The following DTNA variants were observed in gnomAD, a reference collection of about 807,000 sequenced individuals.
DTNA encodes the protein dystrobrevin alpha, also known as dystrophin-related protein 3.
A neutral mutation model predicts 100.7 loss-of-function variants in DTNA; 43 were observed. The ratio of observed to expected loss-of-function variants is 0.43; its 90% confidence interval spans 0.33 to 0.55. The LOEUF (loss-of-function observed/expected upper bound fraction) is 0.55. DTNA is among the 20% of genes least tolerant of loss of function. DTNA has a pLI of 0.04. For missense variants in DTNA, 798 were observed against 953.9 expected (o/e 0.84, Z 2.15); for synonymous variants, 349 against 347.9 (o/e 1.00, Z -0.04).
chr18:34,613,296 T>A (rs1201394767), intron 1 of DTNA, among the ~76,000 whole-genome samples: 5 of 152,132 alleles, frequency 3.3e-5, no homozygotes, highest in Non-Finnish European at 5.9e-5. Flanking sequence ...ACCTCCCTAT[T>A]CTCTGAGACA....
chr18:34,520,322 C>T (rs1374008063), intron 1 of DTNA, among the ~76,000 whole-genome samples: 2 of 152,134 alleles, frequency 1.3e-5, no homozygotes, highest in Non-Finnish European at 2.9e-5. Context: ...GATTGAGTCA[C>T]TTGACCCAAA....
chr18:34,843,271 C>T (rs2096305592), intron 13 of DTNA, among the ~76,000 whole-genome samples: 1 of 151,976 alleles, frequency 6.6e-6, no homozygotes, highest in African/African-American at 2.4e-5. Flanking sequence ...AGATAAGCAC[C>T]AGCAATTCAC....
At chr18:34,510,189 C>G (rs1198417280) in intron 1 of DTNA, among the ~76,000 whole-genome samples, 1 of 150,880 alleles carries the variant, frequency 6.6e-6, no homozygotes, top group Non-Finnish European at 1.5e-5. Flanking sequence ...TCTTTCTTAG[C>G]TTTGACTGCT....
intron 1 of DTNA, among the ~76,000 whole-genome samples, chr18:34,637,768 G>A (rs1336868627): frequency 6.6e-6 from 1 of 152,206 alleles, no homozygotes; most frequent in Non-Finnish European, 1.5e-5. Flanking sequence ...ATAAATGTAA[G>A]TGTTACAAGG....
At chr18:34,789,993 A>G (rs532039908) in intron 3 of DTNA, among the ~76,000 whole-genome samples, 1 of 152,238 alleles carries the variant, frequency 6.6e-6, no homozygotes, top group Admixed American at 6.5e-5. Flanking sequence ...GAAGTTAATT[A>G]GACTGACAGT....
rs773832979 is a variant in DTNA at position 34,838,111 on chromosome 18, G to A, written c.1193G>A (p.Ser398Asn). The change falls in exon 12 of 23, where the codon AGT becomes AAT. Residue 398 changes from serine (S) to asparagine (N), a missense_variant. By Grantham distance (46) the Ser-to-Asn change is conservative (BLOSUM62 1). Around this residue, in one of 6 missense-constraint regions of DTNA, gnomAD observed 159 missense variants for 201.2 expected, o/e 0.79. Transcript: ENST00000444659. ...DHGARSPPKD[S>N]EVEQNKLLAR... ...TTAACTAGCTCTCCTCCCAAGGACAGTGAAGTAGAGCAGAACAAACTGCTG... is the reference window on the plus strand; with the variant it reads ...TTAACTAGCTCTCCTCCCAAGGACAATGAAGTAGAGCAGAACAAACTGCTG... 6.2e-7 allele frequency: 1 copy of A among 1,613,878 alleles called. No homozygotes were observed. Among genetic ancestry groups the A allele is most frequent in the Non-Finnish European group, 8.5e-7 (1 of 1,179,830 alleles).
chr18:34,852,936 G>T (rs1244612133), intron 15 of DTNA, among the ~76,000 whole-genome samples: 7 of 152,184 alleles, frequency 4.6e-5, no homozygotes, highest in Non-Finnish European at 8.8e-5. Context: ...ATAATCATGT[G>T]TGTTTGTTTC....
chr18:34,688,812 A>G (rs1428172132), intron 1 of DTNA, among the ~76,000 whole-genome samples: 1 of 152,040 alleles, frequency 6.6e-6, no homozygotes, highest in African/African-American at 2.4e-5. Flanking sequence ...TTCACCTAGT[A>G]CCATATTTCT....
intron 1 of DTNA, among the ~76,000 whole-genome samples, chr18:34,495,430 A>C (rs1441713401): frequency 6.6e-6 from 1 of 152,216 alleles, no homozygotes; most frequent in Non-Finnish European, 1.5e-5. Context: ...AATTATTATA[A>C]AGCAAATGGC....
At chr18:34,564,968 A>G (rs1471805981) in intron 1 of DTNA, among the ~76,000 whole-genome samples, 5 of 152,336 alleles carry the variant, frequency 3.3e-5, no homozygotes, top group South Asian at 2.1e-4. Flanking sequence ...ATATTTAGGA[A>G]TCCTGCCTTA....
chr18:34,625,078 A>G (rs2730129), intron 1 of DTNA, among the ~76,000 whole-genome samples: 16,553 of 149,170 alleles, frequency 0.11, 972 homozygotes, highest in African/African-American at 0.13. Context: ...TCTGTCACCC[A>G]GGCTGGAGTG....
intron 1 of DTNA, among the ~76,000 whole-genome samples, chr18:34,728,575 A>C (rs1038027531): frequency 1.3e-5 from 2 of 152,182 alleles, no homozygotes; most frequent in Non-Finnish European, 1.5e-5. Context: ...CTCAAAAAAA[A>C]ATAAAAAGGA....
At chr18:34,714,531 G>T (rs2083561659) in intron 1 of DTNA, among the ~76,000 whole-genome samples, 1 of 148,382 alleles carries the variant, frequency 6.7e-6, no homozygotes, top group African/African-American at 2.5e-5. Context: ...AAACCACAAT[G>T]AGATACCATC....
chr18:34,720,144 G>C (rs1025624866), intron 1 of DTNA, among the ~76,000 whole-genome samples: 5 of 152,108 alleles, frequency 3.3e-5, no homozygotes, highest in African/African-American at 1.2e-4. Context: ...GGGTGGAAGG[G>C]TCACAAAGTC....
At position 34,769,725 on chromosome 18, in the gene DTNA, C is replaced by CTTTTTTTTTTTT. The variant is rs61242937; in HGVS notation, c.148+3688_148+3699dup. 2.7e-3 allele frequency among the ~76,000 whole-genome samples: 143 copies of CTTTTTTTTTTTT among 53,838 alleles called. 38 individuals are homozygous for CTTTTTTTTTTTT. The East Asian group carries it at 0.075, about 28-fold the overall frequency. 35.3% of individuals were successfully genotyped at this position (53,838 alleles called of 152,430 possible). On this transcript the variant is annotated intron_variant, in intron 3 of 22. Coordinates refer to ENST00000444659, the MANE Select transcript of DTNA (RefSeq NM_001386795.1). Reference sequence around the variant, plus strand: ...GAAGAAGCAAGGCAGCCCTCTGGGGCTTTTTTTTTTTTTTTGACAGAGTTT... The same window carrying CTTTTTTTTTTTT: ...GAAGAAGCAAGGCAGCCCTCTGGGGCTTTTTTTTTTTTTTTTTTTTTTTTTTTGACAGAGTTT...
At chr18:34,545,244 G>A (rs1456490960) in intron 1 of DTNA, among the ~76,000 whole-genome samples, 1 of 152,044 alleles carries the variant, frequency 6.6e-6, no homozygotes, top group African/African-American at 2.4e-5. Flanking sequence ...CTGCAGTCTG[G>A]CTAGCCAATG....
chr18:34,726,696 C>T (rs925772025), intron 1 of DTNA, among the ~76,000 whole-genome samples: 1 of 152,240 alleles, frequency 6.6e-6, no homozygotes, highest in African/African-American at 2.4e-5. Flanking sequence ...ATCTCCACCT[C>T]CATGGCTATG....
intron 1 of DTNA, among the ~76,000 whole-genome samples, chr18:34,514,438 C>CT (rs1342786558): frequency 6.6e-6 from 1 of 152,074 alleles, no homozygotes; most frequent in African/African-American, 2.4e-5. Context: ...AGGGACCAAA[C>CT]TTTAAGAGTC....
chr18:34,802,195 G>A (rs2095239411), intron 4 of DTNA, among the ~76,000 whole-genome samples: 1 of 152,216 alleles, frequency 6.6e-6, no homozygotes, highest in Non-Finnish European at 1.5e-5. Context: ...GAAGTTTTAG[G>A]GAAAATCTAT....
Sources: gnomAD v4.1 joint callset for allele counts (sites outside exome capture counted in the v4.1 genomes callset) on GRCh38, gnomAD v4.1.1 for gene constraint, gnomAD v4.1.1 regional missense constraint, MANE v1.5 for transcripts, NCBI Gene and HGNC (gene_info 2026-07-23, HGNC 2026-07-21) for gene names.